The following PRSS23 variants were observed in gnomAD, a reference collection of about 807,000 sequenced individuals.
PRSS23 encodes protease, serine 23.
In PRSS23, 25 loss-of-function variants were observed where a neutral mutation model predicts 34.7. The observed-to-expected ratio is 0.72, with a 90% CI of 0.53 to 1.01. The LOEUF is 1.01. Among genes scored for constraint, PRSS23 ranks in the 50% least tolerant of loss-of-function variants. PRSS23 has a pLI of 0.00. For missense variants in PRSS23, 445 were observed against 475.6 expected (o/e 0.94, Z 0.60); for synonymous variants, 176 against 186.6 (o/e 0.94, Z 0.46).
At chr11:86,903,483 T>G (rs1281188048) in intron 2 of PRSS23, among the ~76,000 whole-genome samples, 1 of 94,750 alleles carries the variant, frequency 1.1e-5, no homozygotes, top group Non-Finnish European at 2.2e-5. Context: ...CATACAATCT[T>G]TTTTTTTTTT....
At chr11:86,792,307 A>C (rs1355366636) in intron 1 of PRSS23, among the ~76,000 whole-genome samples, 2 of 152,124 alleles carry the variant, frequency 1.3e-5, no homozygotes, top group Non-Finnish European at 2.9e-5. Context: ...CTACTCGGCA[A>C]TTGGAAGCAG....
chr11:86,851,415 C>T (rs771436423), intron 2 of PRSS23, among the ~76,000 whole-genome samples: 7 of 152,144 alleles, frequency 4.6e-5, no homozygotes, highest in African/African-American at 4.8e-5. Flanking sequence ...ACATAGTGAA[C>T]GTGGCATCCA....
chr11:86,806,706 G>A (rs1948105580), intron 1 of PRSS23, among the ~76,000 whole-genome samples: 1 of 152,166 alleles, frequency 6.6e-6, no homozygotes, highest in Admixed American at 6.5e-5. Context: ...TGTCATTAGC[G>A]TCAGCATGCA....
intron 2 of PRSS23, among the ~76,000 whole-genome samples, chr11:86,840,571 G>A (rs1948440049): frequency 6.6e-6 from 1 of 152,136 alleles, no homozygotes; most frequent in Non-Finnish European, 1.5e-5. Context: ...GGTTAACAAG[G>A]ATATCCAGGA....
intron 2 of PRSS23, among the ~76,000 whole-genome samples, chr11:86,942,871 A>G (rs1949215280): frequency 6.6e-6 from 1 of 152,242 alleles, no homozygotes; most frequent in Non-Finnish European, 1.5e-5. Flanking sequence ...TGCATTGTGA[A>G]GGAAAATGAA....
chr11:86,797,541 C>T (rs1947989203), upstream of PRSS23, among the ~76,000 whole-genome samples: 1 of 152,106 alleles, frequency 6.6e-6, no homozygotes, highest in African/African-American at 2.4e-5. Context: ...GTCCCTGAGA[C>T]CAGATGAAGG....
exon 3 of PRSS23, chr11:86,951,423 T>C: frequency 1.2e-6 from 2 of 1,613,364 alleles, no homozygotes; most frequent in South Asian, 1.1e-5. Context: ...GCAGGAACTG[T>C]GTACAGTACT....
At chr11:86,824,189 T>C (rs2134877990) in intron 2 of PRSS23, among the ~76,000 whole-genome samples, 1 of 151,396 alleles carries the variant, frequency 6.6e-6, no homozygotes, top group East Asian at 1.9e-4. Context: ...ATGCCTGTGG[T>C]TCCACCTACT....
chr11:86,945,348 T>C (rs1949233924), intron 2 of PRSS23, among the ~76,000 whole-genome samples: 1 of 144,740 alleles, frequency 6.9e-6, no homozygotes, highest in African/African-American at 2.6e-5. Flanking sequence ...AAGACAGCCA[T>C]ATGCACTGAA....
chr11:86,850,730 T>C (rs1009521004), intron 2 of PRSS23, among the ~76,000 whole-genome samples: 1 of 152,196 alleles, frequency 6.6e-6, no homozygotes, highest in African/African-American at 2.4e-5. Flanking sequence ...CCAATTCCAA[T>C]TTCTTGTAAA....
exon 3 of PRSS23, chr11:86,952,357 C>T (rs762602463): frequency 6.2e-7 from 1 of 1,614,240 alleles, no homozygotes; most frequent in South Asian, 1.1e-5. Context: ...ATCCAAATTC[C>T]TTCAGGACGG....
At chr11:86,951,051 A>G in intron 2 of PRSS23, 1 of 1,358,804 alleles carries the variant, frequency 7.4e-7, no homozygotes, top group Non-Finnish European at 1.1e-6. Flanking sequence ...GTTCAAACTG[A>G]GATTCACTGC....
intron 2 of PRSS23, among the ~76,000 whole-genome samples, chr11:86,878,320 C>G (rs1271114031): frequency 6.6e-6 from 1 of 151,004 alleles, no homozygotes; most frequent in East Asian, 2.0e-4. Flanking sequence ...CCAGCCGAAG[C>G]TGGACTGTAC....
intron 2 of PRSS23, among the ~76,000 whole-genome samples, chr11:86,867,489 T>C (rs1939102): frequency 6.6e-6 from 1 of 152,094 alleles, no homozygotes; most frequent in African/African-American, 2.4e-5. Flanking sequence ...AAGGGATCAA[T>C]AAATGAATGG....
At chr11:86,952,227 G>A in exon 3 of PRSS23, 2 of 1,614,142 alleles carry the variant, frequency 1.2e-6, no homozygotes, top group Non-Finnish European at 1.7e-6. Context: ...TCTTCCCCAG[G>A]CTGGATGGGG....
chr11:86,921,903 G>C (rs1949049685), intron 2 of PRSS23: 1 of 152,194 alleles, frequency 6.6e-6, no homozygotes, highest in Non-Finnish European at 1.5e-5. Context: ...CCTGGCAAAG[G>C]GAAGCAACAG....
chr11:86,813,080 A>G (rs1948191711), downstream of PRSS23, among the ~76,000 whole-genome samples: 1 of 152,260 alleles, frequency 6.6e-6, no homozygotes, highest in South Asian at 2.1e-4. Flanking sequence ...CATTGCAGTG[A>G]TGTTCTCTCT....
chr11:86,821,097 T>C (rs1948248544), intron 1 of PRSS23: 1 of 452,878 alleles, frequency 2.2e-6, no homozygotes, highest in African/African-American at 2.1e-5. Flanking sequence ...CAGTACATAA[T>C]TAATGTTAAT....
chr11:86,869,326 C>T (rs567488363), intron 2 of PRSS23, among the ~76,000 whole-genome samples: 1 of 152,234 alleles, frequency 6.6e-6, no homozygotes, highest in South Asian at 2.1e-4. Flanking sequence ...ATGAAGTTCA[C>T]AGAAGTCATT....
Sources: gnomAD v4.1 joint callset for allele counts (sites outside exome capture counted in the v4.1 genomes callset) on GRCh38, gnomAD v4.1.1 for gene constraint, MANE v1.5 for transcripts, NCBI Gene and HGNC (gene_info 2026-07-23, HGNC 2026-07-21) for gene names.